The following ROBO2 variants were observed in gnomAD, a reference collection of about 807,000 sequenced individuals.
The protein encoded by ROBO2 is roundabout guidance receptor 2.
A neutral mutation model predicts 160.8 loss-of-function variants in ROBO2; 53 were observed. That is an observed-to-expected ratio of 0.33 (90% CI 0.26 to 0.41). ROBO2 has a LOEUF of 0.41. Ranked by LOEUF, ROBO2 falls within the 10% of genes least tolerant of loss-of-function variation. The pLI is 1.00. For missense variants in ROBO2, 1,577 were observed against 1,722.4 expected, an observed-to-expected ratio of 0.92 and a Z score of 1.49; for synonymous variants, 664 against 611.7, an observed-to-expected ratio of 1.09 and a Z score of -1.26.
intron 2 of ROBO2, among the ~76,000 whole-genome samples, chr3:76,362,102 C>T (rs1044790619): frequency 3.9e-5 from 6 of 152,042 alleles, no homozygotes; most frequent in South Asian, 2.1e-4. Context: ...CAGTGACTCA[C>T]GCTTGTAATC....
chr3:77,469,183 C>T (rs1422365777), intron 2 of ROBO2, among the ~76,000 whole-genome samples: 1 of 152,172 alleles, frequency 6.6e-6, no homozygotes, highest in African/African-American at 2.4e-5. Flanking sequence ...AGGAAACTTA[C>T]ACTGGCTTAA....
intron 2 of ROBO2, among the ~76,000 whole-genome samples, chr3:76,993,413 T>C (rs888174579): frequency 6.6e-6 from 1 of 152,186 alleles, no homozygotes; most frequent in Admixed American, 6.5e-5. Flanking sequence ...TCAAAATAAA[T>C]CTTTGTTTGT....
chr3:76,197,612 C>T (rs1466946932), intron 2 of ROBO2, among the ~76,000 whole-genome samples: 2 of 151,970 alleles, frequency 1.3e-5, no homozygotes, highest in Non-Finnish European at 2.9e-5. Context: ...TTGTTATTAC[C>T]AGTATCCTGT....
intron 2 of ROBO2, among the ~76,000 whole-genome samples, chr3:75,959,040 G>T (rs2107257104): frequency 6.6e-6 from 1 of 151,844 alleles, no homozygotes; most frequent in African/African-American, 2.4e-5. Flanking sequence ...TTAACTAGGA[G>T]AACTATTTCT....
intron 2 of ROBO2, among the ~76,000 whole-genome samples, chr3:76,696,238 A>G (rs1183920250): frequency 6.6e-6 from 1 of 152,156 alleles, no homozygotes; most frequent in Non-Finnish European, 1.5e-5. Flanking sequence ...TTTGTAATGG[A>G]GACATTTTAT....
intron 2 of ROBO2, among the ~76,000 whole-genome samples, chr3:76,134,335 T>C (rs2071346656): frequency 6.6e-6 from 1 of 152,092 alleles, no homozygotes; most frequent in Non-Finnish European, 1.5e-5. Flanking sequence ...ACACACCCAG[T>C]GATGACCCTC....
intron 2 of ROBO2, among the ~76,000 whole-genome samples, chr3:76,003,057 A>G (rs2065931778): frequency 6.6e-6 from 1 of 152,178 alleles, no homozygotes; most frequent in Non-Finnish European, 1.5e-5. Context: ...AGGCATTTCA[A>G]GGATTCAGCA....
At chr3:76,620,807 C>T (rs766218893) in intron 2 of ROBO2, among the ~76,000 whole-genome samples, 6 of 152,062 alleles carry the variant, frequency 3.9e-5, no homozygotes, top group Non-Finnish European at 7.4e-5. Flanking sequence ...AACAAAACGC[C>T]GGTCTTGGGT....
chr3:76,157,698 A>C (rs2072461894), intron 2 of ROBO2, among the ~76,000 whole-genome samples: 1 of 152,156 alleles, frequency 6.6e-6, no homozygotes. Context: ...AATTTCCAGG[A>C]GTCCACAGTG....
At chr3:76,220,184 G>A (rs188212002) in intron 2 of ROBO2, among the ~76,000 whole-genome samples, 2,943 of 146,054 alleles carry the variant, frequency 0.02, 54 homozygotes, top group South Asian at 0.072. Flanking sequence ...TTGTGGGGTT[G>A]GGGGAGGGGG....
At chr3:77,229,795 T>C (rs1386564017) in intron 2 of ROBO2, among the ~76,000 whole-genome samples, 1 of 152,172 alleles carries the variant, frequency 6.6e-6, no homozygotes, top group African/African-American at 2.4e-5. Flanking sequence ...CAATTTTTCT[T>C]CCTTCTAGGT....
intron 2 of ROBO2, among the ~76,000 whole-genome samples, chr3:76,843,248 A>G (rs1259302071): frequency 1.3e-5 from 2 of 150,400 alleles, no homozygotes; most frequent in Admixed American, 1.3e-4. Context: ...GCTAAATGTA[A>G]TATCATAAAT....
At chr3:77,308,633 T>C (rs1202553670) in intron 2 of ROBO2, among the ~76,000 whole-genome samples, 1 of 152,186 alleles carries the variant, frequency 6.6e-6, no homozygotes, top group African/African-American at 2.4e-5. Flanking sequence ...TTTATAGAGC[T>C]ATGATATATA....
intron 2 of ROBO2, among the ~76,000 whole-genome samples, chr3:76,107,116 C>T (rs1322652168): frequency 1.3e-5 from 2 of 152,076 alleles, no homozygotes; most frequent in Admixed American, 6.6e-5. Context: ...TCATTTGAAG[C>T]TCACAATAAA....
intron 2 of ROBO2, among the ~76,000 whole-genome samples, chr3:77,360,255 C>CA (rs933348135): frequency 2.0e-5 from 3 of 150,428 alleles, no homozygotes; most frequent in South Asian, 2.1e-4. Flanking sequence ...TAATGCAACC[C>CA]CCCCCCCAAA....
At chr3:77,326,629 C>CT (rs1280712304) in intron 2 of ROBO2, among the ~76,000 whole-genome samples, 5 of 152,036 alleles carry the variant, frequency 3.3e-5, no homozygotes, top group Non-Finnish European at 7.4e-5. Context: ...GAATGCGTTT[C>CT]TTTTTTTCAA....
intron 2 of ROBO2, among the ~76,000 whole-genome samples, chr3:77,452,678 T>C (rs111320002): frequency 0.01 from 1,591 of 152,304 alleles, 31 homozygotes; most frequent in African/African-American, 0.036. Flanking sequence ...GTAGCTGTTC[T>C]TATTACTAGA....
intron 2 of ROBO2, among the ~76,000 whole-genome samples, chr3:76,454,616 A>T (rs2077655039): frequency 6.6e-6 from 1 of 152,156 alleles, no homozygotes; most frequent in Admixed American, 6.5e-5. Context: ...TTCATTGTAA[A>T]ATGAGATTAC....
At chr3:76,857,065 T>A (rs960188328) in intron 2 of ROBO2, among the ~76,000 whole-genome samples, 1 of 151,672 alleles carries the variant, frequency 6.6e-6, no homozygotes, top group South Asian at 2.1e-4. Context: ...GGCTCACTGC[T>A]AGCTCCTTCT....
Sources: allele counts gnomAD v4.1 joint callset (sites outside exome capture counted in the v4.1 genomes callset), GRCh38; gene constraint gnomAD v4.1.1; transcripts MANE v1.5; gene names NCBI Gene and HGNC (gene_info 2026-07-23, HGNC 2026-07-21).